The following RALGPS1 variants were observed in gnomAD, a reference collection of about 807,000 sequenced individuals.
The protein encoded by RALGPS1 is Ral GEF with PH domain and SH3 binding motif 1.
In RALGPS1, 19 loss-of-function variants were observed where a neutral mutation model predicts 78.8. The ratio of observed to expected loss-of-function variants is 0.24; its 90% confidence interval spans 0.17 to 0.35. The LOEUF (loss-of-function observed/expected upper bound fraction) is 0.35. Ranked by LOEUF, RALGPS1 falls within the 10% of genes least tolerant of loss-of-function variation. RALGPS1 has a pLI of 1.00. For synonymous variants in RALGPS1, 228 were observed against 256.3 expected (o/e 0.89, Z 1.06); for missense variants, 454 against 688.3 (o/e 0.66, Z 3.81).
chr9:127,195,833 T>TCCTA lies in RALGPS1; in HGVS notation c.1038-622_1038-619dup, dbSNP rs376282526. On this transcript the variant is annotated intron_variant, in intron 12 of 18. Transcript: ENST00000259351. Reference sequence around the variant, plus strand: ...CTCCCTCCCTTCCTCCTTCCTTCTTTCCTACCTACCTACCTACCTACCACT... The same window carrying TCCTA: ...CTCCCTCCCTTCCTCCTTCCTTCTTTCCTACCTACCTACCTACCTACCTACCACT... Among the ~76,000 whole-genome samples, 623 of 151,550 alleles carry TCCTA rather than the reference T, an allele frequency of 4.1e-3. 4 individuals carry two copies. The highest frequency in any genetic ancestry group is 0.01 in the African/African-American group (415 of 41,294).
intron 8 of RALGPS1, among the ~76,000 whole-genome samples, chr9:127,072,631 T>G (rs970014874): frequency 6.6e-6 from 1 of 152,232 alleles, no homozygotes; most frequent in Admixed American, 6.5e-5. Flanking sequence ...TATACATGTT[T>G]CATGGTGCAT....
chr9:126,993,589 G>C (rs1247094081), intron 4 of RALGPS1, among the ~76,000 whole-genome samples: 1 of 151,392 alleles, frequency 6.6e-6, no homozygotes, highest in Admixed American at 6.6e-5. Flanking sequence ...AGAGTAAAAA[G>C]CTTCCACTGT....
chr9:127,044,400 G>C (rs1341567541), intron 5 of RALGPS1, among the ~76,000 whole-genome samples: 2 of 152,010 alleles, frequency 1.3e-5, no homozygotes, highest in Non-Finnish European at 2.9e-5. Flanking sequence ...GGGATTACAG[G>C]CATACGCCAC....
chr9:126,922,265 T>C (rs2034843398), intron 1 of RALGPS1, among the ~76,000 whole-genome samples: 1 of 152,244 alleles, frequency 6.6e-6, no homozygotes, highest in African/African-American at 2.4e-5. Flanking sequence ...ATATTTATTT[T>C]TTAAGGTTAA....
chr9:127,184,397 C>G (rs774488836), intron 11 of RALGPS1: 1 of 290,414 alleles, frequency 3.4e-6, no homozygotes, highest in Non-Finnish European at 6.7e-6. Context: ...AGCGAGAACT[C>G]GTGAGAGCTG....
At chr9:127,093,958 A>C (rs764226939) in intron 8 of RALGPS1, 17 of 1,600,244 alleles carry the variant, frequency 1.1e-5, no homozygotes, top group South Asian at 5.5e-5. Flanking sequence ...TACATCACAG[A>C]CCTGCCTGTC....
intron 1 of RALGPS1, among the ~76,000 whole-genome samples, chr9:126,956,439 A>G (rs562734706): frequency 6.6e-6 from 1 of 152,300 alleles, no homozygotes; most frequent in African/African-American, 2.4e-5. Flanking sequence ...GTCGCTGCCC[A>G]TAAATTCGGC....
intron 1 of RALGPS1, among the ~76,000 whole-genome samples, chr9:126,951,445 C>T (rs12379378): frequency 0.2 from 29,861 of 150,644 alleles, 3,647 homozygotes; most frequent in East Asian, 0.43. Context: ...CCGAATCCAG[C>T]AGCACATCAA....
intron 4 of RALGPS1, among the ~76,000 whole-genome samples, chr9:126,988,423 T>TAGAGAC (rs1300578658): frequency 6.6e-6 from 1 of 152,032 alleles, no homozygotes; most frequent in African/African-American, 2.4e-5. Flanking sequence ...AAACAAAAAA[T>TAGAGAC]AGAGACAAAG....
rs1257649700 is a variant in RALGPS1, at chr9:127,196,399, G to T, written c.1038-75G>T. On this transcript the variant is annotated intron_variant, in intron 12 of 18. Coordinates refer to ENST00000259351, the MANE Select transcript of RALGPS1 (RefSeq NM_014636.3). ...TTCCTGCAGCTGCACCATCTGCTCC[G>T]GCCCCAGGCAGGTGTAACCACTGTC... 4 of 1,520,534 alleles carry T rather than the reference G, an allele frequency of 2.6e-6. No homozygotes were observed. The South Asian group carries it at 5.1e-5, about 19-fold the overall frequency. 94.2% of individuals were successfully genotyped at this position (1,520,534 alleles called of 1,614,324 possible).
intron 18 of RALGPS1, among the ~76,000 whole-genome samples, chr9:127,215,714 G>C: frequency 6.6e-6 from 1 of 152,158 alleles, no homozygotes; most frequent in East Asian, 1.9e-4. Flanking sequence ...AGCTGTCAAG[G>C]CTTATGAGAG....
intron 18 of RALGPS1, chr9:127,217,085 C>T: frequency 7.2e-7 from 1 of 1,385,908 alleles, no homozygotes; most frequent in Non-Finnish European, 9.4e-7. Context: ...GAGGAGCGGC[C>T]AGAGGATGAC....
intron 5 of RALGPS1, among the ~76,000 whole-genome samples, chr9:127,044,192 G>C (rs1171607679): frequency 1.3e-5 from 2 of 151,900 alleles, no homozygotes; most frequent in African/African-American, 4.8e-5. Context: ...CCATACAGTG[G>C]AATAGCATTC....
At chr9:127,039,213 A>G (rs1381143522) in intron 5 of RALGPS1, among the ~76,000 whole-genome samples, 1 of 152,130 alleles carries the variant, frequency 6.6e-6, no homozygotes, top group East Asian at 1.9e-4. Flanking sequence ...GGCAGAGGAG[A>G]GGAGGCCACA....
chr9:127,210,712 C>T, intron 14 of RALGPS1: 2 of 1,550,670 alleles, frequency 1.3e-6, no homozygotes, highest in Non-Finnish European at 1.7e-6. Flanking sequence ...CGTCTCTATG[C>T]CACCCTGGGG....
chr9:127,197,180 C>G (rs2061391496), intron 13 of RALGPS1, among the ~76,000 whole-genome samples: 2 of 152,200 alleles, frequency 1.3e-5, no homozygotes, highest in Admixed American at 1.3e-4. Context: ...ACAGAAGAGA[C>G]AGAAATTGTG....
intron 14 of RALGPS1, among the ~76,000 whole-genome samples, chr9:127,206,062 G>A (rs1224122041): frequency 2.0e-5 from 3 of 152,242 alleles, no homozygotes; most frequent in Admixed American, 6.5e-5. Context: ...AGAATTCAGG[G>A]TAGCAGCTTC....
chr9:127,108,070 G>A (rs760953454), intron 8 of RALGPS1: 11 of 1,611,080 alleles, frequency 6.8e-6, no homozygotes, highest in East Asian at 6.7e-5. Context: ...GACCCGGGGC[G>A]GGGCAGCGGG....
At chr9:127,149,578 G>C (rs1408878283) in intron 8 of RALGPS1, among the ~76,000 whole-genome samples, 6 of 152,246 alleles carry the variant, frequency 3.9e-5, no homozygotes, top group African/African-American at 1.4e-4. Context: ...CTGAGGGCAA[G>C]GCCTGTGTGC....
Sources: gnomAD v4.1 joint callset for allele counts (sites outside exome capture counted in the v4.1 genomes callset) on GRCh38, gnomAD v4.1.1 for gene constraint, MANE v1.5 for transcripts, NCBI Gene and HGNC (gene_info 2026-07-23, HGNC 2026-07-21) for gene names.